The following SETBP1 variants were observed in gnomAD, a reference collection of about 807,000 sequenced individuals.
SETBP1 encodes the protein SET-binding protein.
In SETBP1, 9 loss-of-function variants were observed where a neutral mutation model predicts 101.0. That is an observed-to-expected ratio of 0.09 (90% CI 0.05 to 0.16). SETBP1 has a LOEUF of 0.16. Ranked by LOEUF, SETBP1 falls within the 10% of genes least tolerant of loss-of-function variation. SETBP1 has a pLI of 1.00. For missense variants in SETBP1, 1,858 were observed against 2,033.8 expected (o/e 0.91, Z 1.66); for synonymous variants, 818 against 788.5 (o/e 1.04, Z -0.63).
chr18:44,939,244 G>T (rs946234205), intron 3 of SETBP1, among the ~76,000 whole-genome samples: 3 of 151,758 alleles, frequency 2.0e-5, no homozygotes, highest in Admixed American at 2.0e-4. Context: ...TCCCAGCCCC[G>T]GTCCCCACCA....
intron 3 of SETBP1, among the ~76,000 whole-genome samples, chr18:44,902,295 T>C (rs560625283): frequency 3.9e-5 from 6 of 152,330 alleles, no homozygotes; most frequent in Admixed American, 3.3e-4. Flanking sequence ...CCTTTGCTCC[T>C]ATCAAACCTA....
At chr18:44,703,480 T>C (rs1250901446) in intron 2 of SETBP1, among the ~76,000 whole-genome samples, 1 of 149,492 alleles carries the variant, frequency 6.7e-6, no homozygotes, top group Non-Finnish European at 1.5e-5. Flanking sequence ...TTATACCGGG[T>C]GTTGTGGCTG....
At chr18:44,761,406 CT>C (rs2070641639) in intron 2 of SETBP1, among the ~76,000 whole-genome samples, 1 of 152,208 alleles carries the variant, frequency 6.6e-6, no homozygotes, top group Non-Finnish European at 1.5e-5. Context: ...ATTGGCCAAC[CT>C]TTACTGGTCC....
chr18:44,970,440 T>C (rs913111617), intron 4 of SETBP1, among the ~76,000 whole-genome samples: 5 of 152,248 alleles, frequency 3.3e-5, no homozygotes, highest in African/African-American at 1.2e-4. Context: ...TTAATGATTA[T>C]TATTAATGTA....
At chr18:44,821,220 C>T (rs2072108614) in intron 2 of SETBP1, among the ~76,000 whole-genome samples, 2 of 152,196 alleles carry the variant, frequency 1.3e-5, no homozygotes, top group Admixed American at 1.3e-4. Context: ...CTCTGCCCAC[C>T]TTCCAGCAAA....
rs1414558665 is a variant in SETBP1, at chr18:44,855,203, T to C, written c.487-14027T>C. On this transcript the variant is annotated intron_variant, in intron 2 of 5. Transcript: ENST00000649279. The stretch of plus-strand genomic sequence containing the variant: ...ACAGGTTATAGTGTTATGATCGTTA[T>C]TGTTTATTGTTATTATTTTACTTCA... Among the ~76,000 whole-genome samples the C allele has an allele frequency of 4.6e-5, 7 of 152,222 alleles. No homozygotes were observed. The East Asian group carries it at 1.3e-3, about 29-fold the overall frequency.
intron 2 of SETBP1, among the ~76,000 whole-genome samples, chr18:44,773,663 C>A (rs2070924006): frequency 6.6e-6 from 1 of 152,014 alleles, no homozygotes; most frequent in African/African-American, 2.4e-5. Context: ...ACACCCAAAC[C>A]AAAACAAACA....
At chr18:44,832,475 G>A (rs1172016859) in intron 2 of SETBP1, among the ~76,000 whole-genome samples, 4 of 152,234 alleles carry the variant, frequency 2.6e-5, no homozygotes, top group African/African-American at 9.6e-5. Context: ...ATGGCAGTCA[G>A]GGCGAGCCCC....
rs549370660 is a variant in SETBP1, at chr18:44,970,567, T to G, written c.4000+17227T>G. 1.9e-4 allele frequency among the ~76,000 whole-genome samples: 29 copies of G among 152,320 alleles called. 1 individual carries two copies. Among genetic ancestry groups the G allele is most frequent in the African/African-American group, 6.7e-4 (28 of 41,580 alleles). ...TTACAAATGCACAGGCCTTTTTTTT[T>G]TGGAACAGAGTGTTGCTCTTGTTCC... On this transcript the variant is annotated intron_variant, in intron 4 of 5. Transcript: ENST00000649279.
chr18:44,989,537 T>C (rs1045718825), intron 4 of SETBP1, among the ~76,000 whole-genome samples: 1 of 152,074 alleles, frequency 6.6e-6, no homozygotes, highest in Admixed American at 6.6e-5. Context: ...TATTTGAATA[T>C]GTAATCCTTA....
chr18:44,809,113 G>C (rs1349114486), intron 2 of SETBP1, among the ~76,000 whole-genome samples: 1 of 152,202 alleles, frequency 6.6e-6, no homozygotes, highest in Non-Finnish European at 1.5e-5. Context: ...CAGAGCAGAA[G>C]TTCTGGAAAC....
chr18:44,938,853 G>A (rs537488174), intron 3 of SETBP1, among the ~76,000 whole-genome samples: 1 of 152,258 alleles, frequency 6.6e-6, no homozygotes, highest in South Asian at 2.1e-4. Flanking sequence ...AGAGGGGAGA[G>A]TGAGGATCTG....
chr18:44,867,321 C>T (rs984888132), intron 2 of SETBP1, among the ~76,000 whole-genome samples: 1 of 152,158 alleles, frequency 6.6e-6, no homozygotes, highest in African/African-American at 2.4e-5. Flanking sequence ...TAGGATTGGC[C>T]ATTTCCTTTT....
intron 2 of SETBP1, among the ~76,000 whole-genome samples, chr18:44,859,950 C>T (rs1427794297): frequency 6.6e-6 from 1 of 152,232 alleles, no homozygotes; most frequent in South Asian, 2.1e-4. Context: ...GCCAAATTGG[C>T]TCCACTAAGC....
chr18:44,727,639 A>G lies in SETBP1; in HGVS notation c.486+25807A>G, dbSNP rs1026158038. On this transcript the variant is annotated intron_variant, in intron 2 of 5. Coordinates refer to ENST00000649279, the MANE Select transcript of SETBP1 (RefSeq NM_015559.3). Reference sequence around the variant, plus strand: ...CTACTGTGTCTTCACCAAGCTCTCAAAACACCTTAAATATGAAATCTCTAC... The same window carrying G: ...CTACTGTGTCTTCACCAAGCTCTCAGAACACCTTAAATATGAAATCTCTAC... 2.0e-5 allele frequency among the ~76,000 whole-genome samples: 3 copies of G among 152,304 alleles called. No individual in the cohort carries two copies. In the East Asian group the frequency reaches 5.8e-4, roughly 29 times the overall value.
chr18:44,705,719 A>C (rs745814242), intron 2 of SETBP1, among the ~76,000 whole-genome samples: 3 of 152,128 alleles, frequency 2.0e-5, no homozygotes, highest in Non-Finnish European at 2.9e-5. Context: ...TGTGATGTTA[A>C]CTCTAGTTAT....
At chr18:44,876,760 A>G (rs2069415915) in intron 3 of SETBP1, 1 of 1,512,070 alleles carries the variant, frequency 6.6e-7, no homozygotes, top group Non-Finnish European at 8.9e-7. Context: ...ATAACTTCGC[A>G]TGGATTCTGC....
At chr18:44,957,635 G>C (rs1388870988) in intron 4 of SETBP1, among the ~76,000 whole-genome samples, 4 of 152,096 alleles carry the variant, frequency 2.6e-5, no homozygotes, top group Non-Finnish European at 4.4e-5. Flanking sequence ...CCTCTTATCA[G>C]CACTGTGGAA....
At chr18:44,687,122 C>T (rs184323242) in intron 1 of SETBP1, among the ~76,000 whole-genome samples, 60 of 152,230 alleles carry the variant, frequency 3.9e-4, no homozygotes, top group African/African-American at 1.4e-3. Context: ...CTGAGGAGGC[C>T]GGGTGCAACT....
Sources: allele counts gnomAD v4.1 joint callset (sites outside exome capture counted in the v4.1 genomes callset), GRCh38; gene constraint gnomAD v4.1.1; transcripts MANE v1.5; gene names NCBI Gene and HGNC (gene_info 2026-07-23, HGNC 2026-07-21).